Variants in TRPV2 observed in about 807,000 individuals in gnomAD.
TRPV2 encodes the protein transient receptor potential cation channel subfamily V member 2.
A neutral mutation model predicts 91.0 loss-of-function variants in TRPV2; 58 were observed. The ratio of observed to expected loss-of-function variants is 0.64; its 90% CI spans 0.52 to 0.79. The LOEUF (loss-of-function observed/expected upper bound fraction) is 0.79, where lower values mean the gene tolerates loss of function less well. Among genes scored for constraint, TRPV2 ranks in the 30% least tolerant of loss-of-function variants. The pLI is 0.00. For synonymous variants in TRPV2, 417 were observed against 414.8 expected (o/e 1.01, Z -0.06); for missense variants, 807 against 969.6 (o/e 0.83, Z 2.23).
rs936273193 is a variant in TRPV2 at position 16,428,671 on chromosome 17, C to G, written c.1422-146C>G. 3.5e-6 allele frequency: 3 copies of G among 857,902 alleles called. No homozygotes were observed. In the African/African-American group the frequency reaches 5.1e-5, roughly 14 times the overall value. 53.1% of individuals were successfully genotyped at this position (857,902 alleles called of 1,614,324 possible). On this transcript the variant is annotated intron_variant, in intron 9 of 14. Coordinates refer to ENST00000338560, the MANE Select transcript of TRPV2 (RefSeq NM_016113.5). ...TGAGTCAGGCATCATTATTATTATGCCCATTTTACAGTGGGAGGGAACTGA... is the reference window on the plus strand; with the variant it reads ...TGAGTCAGGCATCATTATTATTATGGCCATTTTACAGTGGGAGGGAACTGA...
chr17:16,433,503 G>A (rs1378615587), intron 12 of TRPV2, 71 bp from the exon 13 acceptor site: 12 of 1,582,742 alleles, frequency 7.6e-6, no homozygotes, highest in African/African-American at 5.4e-5. Flanking sequence ...TCCCTGCTCC[G>A]CTTGCCTTGT....
intron 9 of TRPV2, 195 bp downstream of exon 9, chr17:16,428,582 G>C (rs1184110434): frequency 4.2e-6 from 3 of 714,904 alleles, no homozygotes; most frequent in Non-Finnish European, 7.0e-6. Flanking sequence ...ACTGTAGATG[G>C]TGATAGTGAC....
intron 9 of TRPV2, 77 bp downstream of exon 9, chr17:16,428,464 G>A (rs2093395139): frequency 9.9e-6 from 15 of 1,515,510 alleles, no homozygotes; most frequent in East Asian, 2.3e-5. Context: ...AAGGCACCAG[G>A]TTGGCTTTAG....
In TRPV2 at chr17:16,428,396, G is replaced by C; in HGVS notation, c.1421+9G>C. 6.2e-7 allele frequency: 1 copy of C among 1,613,892 alleles called. No individual in the cohort carries two copies. On this transcript the variant is annotated intron_variant, in intron 9 of 14. Transcript: ENST00000338560. ...TACTTTGAAATCCTCTTGTACGTGG[G>C]TTCTCACTCCTCCTTCTCTCAACTG... is the stretch of plus-strand genomic sequence containing the variant.
rs1414969362 is a variant in TRPV2 at position 16,415,765 on chromosome 17, C to T, written c.-176C>T. The T allele has an allele frequency of 1.3e-5, 2 of 152,420 alleles. No individual in the cohort carries two copies. The highest frequency in any genetic ancestry group is 2.9e-5 in the Non-Finnish European group (2 of 68,222). 9.4% of individuals were successfully genotyped at this position (152,420 alleles called of 1,614,324 possible). A position where few individuals can be genotyped will look rare whatever the true frequency, so the allele number is the denominator to read the frequency against. On this transcript the variant is annotated 5_prime_UTR_variant, in exon 1 of 15. Coordinates refer to ENST00000338560, the MANE Select transcript of TRPV2 (RefSeq NM_016113.5). The surrounding 1 kb of genome is among the most constrained non-coding windows in gnomAD (Gnocchi z 4.5). ...GCAGCCCCTCCCGGCTTCACTTCCT[C>T]CCGCAGCCCCTGCTACTGAGAAGCT...
Position 16,426,427 on chromosome 17 carries a change from C to T in TRPV2, c.1095+158C>T, listed in dbSNP as rs1324490038. On this transcript the variant is annotated intron_variant, in intron 6 of 14. Transcript: ENST00000338560. The surrounding 1 kb of genome is among the most constrained non-coding windows in gnomAD (Gnocchi z 6.0). ...CAGGCACGACCCTGACCATGGCCAC[C>T]GGGCCCATACTCAATCCATACTCTA... Among the ~76,000 whole-genome samples the T allele has an allele frequency of 2.0e-5, 3 of 152,172 alleles. No homozygotes were observed. The highest frequency in any genetic ancestry group is 2.9e-5 in the Non-Finnish European group (2 of 68,040).
At chr17:16,420,474 C>T (rs1394065041) in intron 3 of TRPV2, among the ~76,000 whole-genome samples, 1 of 152,206 alleles carries the variant, frequency 6.6e-6, no homozygotes, top group African/African-American at 2.4e-5. Context: ...CTCCTGGCTA[C>T]CTCTGTCACC....
chr17:16,428,615 C>A, intron 9 of TRPV2: 2 of 705,152 alleles, frequency 2.8e-6, no homozygotes, highest in Non-Finnish European at 4.7e-6. Flanking sequence ...TCGGCACATA[C>A]CTGTTTCACT....
At position 16,423,752 on chromosome 17, in the gene TRPV2, G is replaced by T; in HGVS notation, c.909G>T (p.Lys303Asn). The change falls in exon 5 of 15, where the codon AAG (lysine) becomes AAT (asparagine). Residue 303 changes from lysine to asparagine, a missense_variant. Lys to Asn is a moderately conservative substitution (Grantham distance 94, BLOSUM62 0). Coordinates refer to ENST00000338560, the MANE Select transcript of TRPV2 (RefSeq NM_016113.5). Reference sequence around the variant, plus strand: ...TCACGCCTCTGAAGCTGGCCGCCAAGGAGGGCAAGATCGAGGTGAGCGGCT... The same window carrying T: ...TCACGCCTCTGAAGCTGGCCGCCAATGAGGGCAAGATCGAGGTGAGCGGCT... Reference protein sequence around the residue: ...QDLTPLKLAAKEGKIEIFRHI... With the variant: ...QDLTPLKLAANEGKIEIFRHI... 1 of 1,585,028 alleles carries T rather than the reference G, an allele frequency of 6.3e-7. No homozygotes were observed.
chr17:16,432,382 C>A, intron 12 of TRPV2, 82 bp downstream of exon 12: 1 of 1,306,600 alleles, frequency 7.7e-7, no homozygotes, highest in Non-Finnish European at 1.0e-6. Context: ...GGAGCTGGGC[C>A]TTCCCTAGCC....
chr17:16,427,916 G>A (rs2093391454), intron 8 of TRPV2, among the ~76,000 whole-genome samples: 1 of 152,202 alleles, frequency 6.6e-6, no homozygotes, highest in African/African-American at 2.4e-5. Flanking sequence ...CCCCAGTAGG[G>A]CCTCTTCAGT....
In TRPV2 at chr17:16,435,603, A is replaced by C. The variant is rs1444735513; in HGVS notation, c.2194+634A>C. 6.6e-6 allele frequency among the ~76,000 whole-genome samples: 1 copy of C among 151,806 alleles called. No homozygotes were observed. The highest frequency in any genetic ancestry group is 1.5e-5 in the Non-Finnish European group (1 of 67,974). On this transcript the variant is annotated intron_variant, in intron 14 of 14. Coordinates refer to ENST00000338560, the MANE Select transcript of TRPV2 (RefSeq NM_016113.5). This position sits in a 1 kb window ranked among gnomAD's most constrained non-coding sequence, Gnocchi z 4.2. ...CCCTCAGAGGCCTGTTCTGAGGATT[A>C]GCTGTCCCCACTGCATACCCTTTCT...
Position 16,431,949 on chromosome 17 carries a change from C to T in TRPV2, c.1655-17C>T. The T allele has an allele frequency of 6.2e-7, 1 of 1,609,608 alleles. No homozygotes were observed. The highest frequency in any genetic ancestry group is 1.1e-5 in the South Asian group (1 of 90,522). On this transcript the variant is annotated splice_polypyrimidine_tract_variant and intron_variant, in intron 11 of 14. Coordinates refer to ENST00000338560, the MANE Select transcript of TRPV2 (RefSeq NM_016113.5). ...CCGGTCTCCTGGGCTAAGGACCCCT[C>T]TCCCTTCATCCCATAGCCCTGGTGA...
rs761028807 is a variant in TRPV2 at position 16,433,525 on chromosome 17, C to T, written c.1990-49C>T. ...TCCGCTTGCCTTGTGTGCCTTTGCC[C>T]CCAGGCAGGGTCCCAGGACGTTCTG... On this transcript the variant is annotated intron_variant, in intron 12 of 14. Coordinates refer to ENST00000338560, the MANE Select transcript of TRPV2 (RefSeq NM_016113.5). The T allele has an allele frequency of 2.5e-6, 4 of 1,602,346 alleles. No homozygotes were observed. The Admixed American group carries it at 5.1e-5, about 20-fold the overall frequency.
chr17:16,431,907 A>C (rs2093414515), intron 11 of TRPV2, 57 bp downstream of exon 11: 2 of 1,611,876 alleles, frequency 1.2e-6, no homozygotes, highest in Admixed American at 1.7e-5. Context: ...CACCCTGTAC[A>C]CTCCCAAGGC....
intron 5 of TRPV2, among the ~76,000 whole-genome samples, chr17:16,425,022 A>AT (rs11329557): frequency 0.039 from 4,517 of 115,982 alleles, 387 homozygotes; most frequent in African/African-American, 0.13. Flanking sequence ...TTGCAGCTGC[A>AT]TTTTTTTTTT....
At chr17:16,436,765 A>G (rs1369545996) in intron 14 of TRPV2, 24 bp from the exon 15 acceptor site, 1 of 1,564,644 alleles carries the variant, frequency 6.4e-7, no homozygotes, top group South Asian at 1.1e-5. Context: ...GGGTTAAGCT[A>G]CAGTGCTTGC....
chr17:16,417,925 C>A, intron 2 of TRPV2, 57 bp downstream of exon 2: 7 of 1,516,898 alleles, frequency 4.6e-6, no homozygotes, highest in Non-Finnish European at 5.4e-6. Flanking sequence ...TCCAGCAGAG[C>A]ACCCGGAGTG....
chr17:16,423,189 C>T (rs35236270), intron 4 of TRPV2, among the ~76,000 whole-genome samples: 2,038 of 152,332 alleles, frequency 0.013, 29 homozygotes, highest in Non-Finnish European at 0.018. Context: ...GGCCAGAAGA[C>T]GGGCATGCAC....
Sources: gnomAD v4.1 joint callset for allele counts (sites outside exome capture counted in the v4.1 genomes callset) on GRCh38, gnomAD v4.1.1 for gene constraint, Gnocchi (gnomAD v3.1) non-coding constraint, MANE v1.5 for transcripts, NCBI Gene and HGNC (gene_info 2026-07-23, HGNC 2026-07-21) for gene names.